The following GRM7 variants were observed in gnomAD, a reference collection of about 807,000 sequenced individuals.
GRM7 encodes metabotropic glutamate receptor 7.
In GRM7, 35 loss-of-function variants were observed where a neutral mutation model predicts 84.5. That is an observed-to-expected ratio of 0.41 (90% CI 0.32 to 0.55). The LOEUF is 0.55. GRM7 is among the 20% of genes least tolerant of loss of function. The pLI is 0.19. For missense variants in GRM7, 1,003 were observed against 1,194.6 expected, an observed-to-expected ratio of 0.84 and a Z score of 2.36; for synonymous variants, 487 against 455.1, an observed-to-expected ratio of 1.07 and a Z score of -0.89.
At chr3:7,406,350 A>T (rs1040210281) in intron 4 of GRM7, among the ~76,000 whole-genome samples, 1 of 151,994 alleles carries the variant, frequency 6.6e-6, no homozygotes, top group African/African-American at 2.4e-5. Flanking sequence ...AATACAAAAA[A>T]TTAGCCAGGC....
At chr3:7,259,305 T>C (rs1698321470) in intron 2 of GRM7, among the ~76,000 whole-genome samples, 2 of 152,184 alleles carry the variant, frequency 1.3e-5, no homozygotes, top group African/African-American at 4.8e-5. Context: ...TTTTAGATTT[T>C]GGGATACATG....
intron 2 of GRM7, among the ~76,000 whole-genome samples, chr3:7,201,263 CTG>C (rs770465267): frequency 6.6e-6 from 1 of 152,074 alleles, no homozygotes; most frequent in Non-Finnish European, 1.5e-5. Flanking sequence ...AGGGAGGAAA[CTG>C]TGTCGTTTAG....
At chr3:7,435,990 C>T (rs1311798298) in intron 5 of GRM7, among the ~76,000 whole-genome samples, 1 of 151,478 alleles carries the variant, frequency 6.6e-6, no homozygotes, top group Non-Finnish European at 1.5e-5. Context: ...GCGTGAGCCA[C>T]CAGGCCCAGC....
intron 5 of GRM7, among the ~76,000 whole-genome samples, chr3:7,438,649 C>T (rs982370733): frequency 3.9e-5 from 6 of 152,048 alleles, no homozygotes; most frequent in South Asian, 2.1e-4. Flanking sequence ...CTACCTAACA[C>T]GGAGGTAGCC....
chr3:7,013,432 C>G (rs1394804507), intron 1 of GRM7, among the ~76,000 whole-genome samples: 1 of 152,064 alleles, frequency 6.6e-6, no homozygotes, highest in Admixed American at 6.5e-5. Flanking sequence ...TTATTTTATC[C>G]ATAATAATTT....
rs546493824 is a variant in GRM7, at chr3:7,391,024, G to A, written c.1034-23999G>A. On this transcript the variant is annotated intron_variant, in intron 4 of 9. Coordinates refer to ENST00000357716, the MANE Select transcript of GRM7 (RefSeq NM_000844.4). ...GTTTTGAATTGGCTATCATTTGGAT[G>A]TGGCTTCTTGATTTTTTTTTCTTTT... Among the ~76,000 whole-genome samples, 8 of 151,986 alleles carry A rather than the reference G, an allele frequency of 5.3e-5. No homozygotes were observed. The South Asian group carries it at 1.2e-3, about 24-fold the overall frequency.
chr3:7,575,869 C>A (rs1037854501), intron 7 of GRM7, among the ~76,000 whole-genome samples: 2 of 152,096 alleles, frequency 1.3e-5, no homozygotes, highest in Non-Finnish European at 1.5e-5. Flanking sequence ...AAAAAAAAAG[C>A]TGGGCAGCAT....
At chr3:6,937,655 ATG>A (rs1343705257) in intron 1 of GRM7, among the ~76,000 whole-genome samples, 1 of 152,206 alleles carries the variant, frequency 6.6e-6, no homozygotes, top group African/African-American at 2.4e-5. Context: ...TTCAACATTT[ATG>A]TCTGTGATTT....
At chr3:7,298,108 A>T (rs1018929763) in intron 2 of GRM7, among the ~76,000 whole-genome samples, 1 of 152,282 alleles carries the variant, frequency 6.6e-6, no homozygotes, top group East Asian at 1.9e-4. Flanking sequence ...ACACTTAATG[A>T]TGGCTTAGGC....
intron 8 of GRM7, among the ~76,000 whole-genome samples, chr3:7,644,190 G>T (rs1698508011): frequency 2.6e-5 from 1 of 38,960 alleles, no homozygotes; most frequent in East Asian, 7.8e-4. Context: ...ATATATGTCT[G>T]TACGTATATA....
chr3:7,571,714 A>G (rs1346759046), intron 7 of GRM7, among the ~76,000 whole-genome samples: 1 of 152,140 alleles, frequency 6.6e-6, no homozygotes, highest in Non-Finnish European at 1.5e-5. Flanking sequence ...CCACATTTTC[A>G]GGTATCTTTT....
Position 7,486,717 on chromosome 3 carries a change from G to A in GRM7, c.1515+24995G>A, listed in dbSNP as rs571552486. 6.6e-6 allele frequency among the ~76,000 whole-genome samples: 1 copy of A among 152,252 alleles called. No homozygotes were observed. Among genetic ancestry groups the A allele is most frequent in the South Asian group, 2.1e-4 (1 of 4,824 alleles). On this transcript the variant is annotated intron_variant, in intron 7 of 9. Transcript: ENST00000357716. This position sits in a 1 kb window ranked among gnomAD's most constrained non-coding sequence, Gnocchi z 5.5. ...GCCACCAGAATGATGAGACAAATAA[G>A]GCTGTTTTTTAAAATAATTTATGCA...
At chr3:7,226,917 A>C (rs1312637773) in intron 2 of GRM7, among the ~76,000 whole-genome samples, 1 of 152,178 alleles carries the variant, frequency 6.6e-6, no homozygotes, top group Non-Finnish European at 1.5e-5. Flanking sequence ...TAAGAATGGC[A>C]TTGCTCTGAT....
intron 4 of GRM7, among the ~76,000 whole-genome samples, chr3:7,371,254 C>T (rs899060501): frequency 6.6e-6 from 1 of 152,152 alleles, no homozygotes; most frequent in African/African-American, 2.4e-5. Flanking sequence ...TGAAAACTGG[C>T]TCAAATTCTG....
intron 7 of GRM7, among the ~76,000 whole-genome samples, chr3:7,517,435 C>T (rs996528812): frequency 6.6e-6 from 1 of 152,106 alleles, no homozygotes; most frequent in Non-Finnish European, 1.5e-5. Flanking sequence ...CTCTGTCACC[C>T]CAGCTGGAGT....
intron 1 of GRM7, among the ~76,000 whole-genome samples, chr3:7,018,555 A>G (rs935193395): frequency 2.0e-5 from 3 of 152,240 alleles, no homozygotes; most frequent in Non-Finnish European, 4.4e-5. Flanking sequence ...AGCAAGTCCC[A>G]CGGGGGTCCC....
At chr3:7,451,146 A>G (rs1448858862) in intron 5 of GRM7, among the ~76,000 whole-genome samples, 1 of 152,192 alleles carries the variant, frequency 6.6e-6, no homozygotes, top group African/African-American at 2.4e-5. Context: ...TTTGTGGATA[A>G]TTCTTCTTCA....
At chr3:7,293,401 G>T (rs1231171331) in intron 2 of GRM7, among the ~76,000 whole-genome samples, 1 of 152,120 alleles carries the variant, frequency 6.6e-6, no homozygotes, top group Non-Finnish European at 1.5e-5. Flanking sequence ...TACTTCAGTG[G>T]CTTGTATGTA....
At chr3:7,437,518 C>T (rs191088112) in intron 5 of GRM7, among the ~76,000 whole-genome samples, 46 of 152,268 alleles carry the variant, frequency 3.0e-4, no homozygotes, top group Middle Eastern at 3.4e-3. Flanking sequence ...GAGTTATTGC[C>T]TCCAGTCCTA....
Sources: gnomAD v4.1 joint callset for allele counts (sites outside exome capture counted in the v4.1 genomes callset) on GRCh38, gnomAD v4.1.1 for gene constraint, Gnocchi (gnomAD v3.1) non-coding constraint, MANE v1.5 for transcripts, NCBI Gene and HGNC (gene_info 2026-07-23, HGNC 2026-07-21) for gene names.